CYSTM1: variants seen among roughly 807,000 people sequenced by gnomAD.
The protein encoded by CYSTM1 is cysteine-rich transmembrane module-containing protein 1.
A neutral mutation model predicts 13.1 loss-of-function variants in CYSTM1; 4 were observed. The ratio of observed to expected loss-of-function variants is 0.31; its 90% CI spans 0.15 to 0.70. CYSTM1 has a LOEUF of 0.70. CYSTM1 is among the 30% of genes least tolerant of loss of function. The pLI is 0.72. For missense variants in CYSTM1, 96 were observed against 121.6 expected (o/e 0.79, Z 0.99); for synonymous variants, 36 against 42.7 (o/e 0.84, Z 0.62).
chr5:140,191,381 C>G (rs771788756), intron 1 of CYSTM1, among the ~76,000 whole-genome samples: 1 of 152,080 alleles, frequency 6.6e-6, no homozygotes, highest in Non-Finnish European at 1.5e-5. Flanking sequence ...ACCTTACATG[C>G]TTTTTTCCTC....
chr5:140,224,289 G>A (rs10477319), intron 2 of CYSTM1, among the ~76,000 whole-genome samples: 34,983 of 151,758 alleles, frequency 0.23, 4,048 homozygotes, highest in African/African-American at 0.25. Context: ...ACAGGCATGC[G>A]CCACCACACC....
At chr5:140,223,464 G>A (rs1391351050) in intron 2 of CYSTM1, among the ~76,000 whole-genome samples, 1 of 152,234 alleles carries the variant, frequency 6.6e-6, no homozygotes, top group East Asian at 1.9e-4. Context: ...CCAAGTCATG[G>A]GCAAAACCAG....
intron 2 of CYSTM1, among the ~76,000 whole-genome samples, chr5:140,205,518 G>C (rs1764288472): frequency 6.6e-6 from 1 of 152,128 alleles, no homozygotes; most frequent in African/African-American, 2.4e-5. Context: ...CCAGGTATCA[G>C]ATGACAGAAT....
rs569975850 is a variant in CYSTM1, at chr5:140,181,797, C to T, written c.-21+6512C>T. On this transcript the variant is annotated intron_variant, in intron 1 of 2. Coordinates refer to ENST00000261811, the MANE Select transcript of CYSTM1 (RefSeq NM_032412.4). Reference sequence around the variant, plus strand: ...TGCCACTGCAAGATAGCAGGACCCCCGTCTGTATTTTTTGCTATGTTGACT... The same window carrying T: ...TGCCACTGCAAGATAGCAGGACCCCTGTCTGTATTTTTTGCTATGTTGACT... Among the ~76,000 whole-genome samples the T allele has an allele frequency of 3.5e-4, 53 of 152,326 alleles. 2 individuals are homozygous for T. The South Asian group carries it at 0.011, about 32-fold the overall frequency.
intron 2 of CYSTM1, among the ~76,000 whole-genome samples, chr5:140,240,876 C>T (rs1035309447): frequency 6.6e-6 from 1 of 152,146 alleles, no homozygotes; most frequent in African/African-American, 2.4e-5. Context: ...CCCCATTGCC[C>T]ATCCTCCCAA....
chr5:140,205,250 G>C (rs1393304075), intron 2 of CYSTM1, among the ~76,000 whole-genome samples: 1 of 152,134 alleles, frequency 6.6e-6, no homozygotes, highest in East Asian at 1.9e-4. Context: ...CAGAGATTGT[G>C]GGGGAGGTGA....
intron 1 of CYSTM1, among the ~76,000 whole-genome samples, chr5:140,188,778 CAAA>C (rs34915397): frequency 8.8e-6 from 1 of 113,474 alleles, no homozygotes; most frequent in Non-Finnish European, 1.8e-5. Flanking sequence ...GACTCCGTCT[CAAA>C]AAAAAAAAAA....
Position 140,175,225 on chromosome 5 carries a change from C to A in CYSTM1, c.-81C>A, listed in dbSNP as rs1272080206. 6.6e-6 allele frequency: 1 copy of A among 152,332 alleles called. No homozygotes were observed. The highest frequency in any genetic ancestry group is 2.4e-5 in the African/African-American group (1 of 41,464). The allele number at this position is 152,332 out of a possible 1,614,324, so 9.4% of individuals were successfully genotyped here. Reference sequence around the variant, plus strand: ...ACAGGTGCGGCAAGTCTACTGCGGGCTGGTCCGGGCTCCTCAGGTTCAGAC... The same window carrying A: ...ACAGGTGCGGCAAGTCTACTGCGGGATGGTCCGGGCTCCTCAGGTTCAGAC... On this transcript the variant is annotated 5_prime_UTR_variant, in exon 1 of 3. It adds an upstream start codon to the 5' untranslated region. Coordinates refer to ENST00000261811, the MANE Select transcript of CYSTM1 (RefSeq NM_032412.4). The surrounding 1 kb of genome is among the most constrained non-coding windows in gnomAD (Gnocchi z 4.9).
At chr5:140,203,594 T>C (rs1764256348) in intron 2 of CYSTM1, among the ~76,000 whole-genome samples, 1 of 152,240 alleles carries the variant, frequency 6.6e-6, no homozygotes, top group Admixed American at 6.5e-5. Flanking sequence ...AAACTATTTC[T>C]AGATTCTAAT....
rs1764093447 is a variant in CYSTM1 at position 140,191,322 on chromosome 5, CT to C, written c.-20-3121del. On this transcript the variant is annotated intron_variant, in intron 1 of 2. Coordinates refer to ENST00000261811, the MANE Select transcript of CYSTM1 (RefSeq NM_032412.4). ...AGCTGGAGCACCTTTGTAGTTTATG[CT>C]TTGTATAAATGCCTCTGTGAATAAC... Among the ~76,000 whole-genome samples the C allele has an allele frequency of 2.6e-5, 4 of 152,178 alleles. No individual in the cohort carries two copies. In the South Asian group the frequency reaches 8.3e-4, roughly 32 times the overall value.
At position 140,224,478 on chromosome 5, in the gene CYSTM1, A is replaced by T. The variant is rs573877391; in HGVS notation, c.188-18827A>T. On this transcript the variant is annotated intron_variant, in intron 2 of 2. Transcript: ENST00000261811. Reference sequence around the variant, plus strand: ...TACAAAACTCTAGGAAGATTAGACAAATATCTTCACTAGAGGTTATTTATG... The same window carrying T: ...TACAAAACTCTAGGAAGATTAGACATATATCTTCACTAGAGGTTATTTATG... Among the ~76,000 whole-genome samples, 17 of 152,160 alleles carry T rather than the reference A, an allele frequency of 1.1e-4. No homozygotes were observed. In the South Asian group the frequency reaches 2.9e-3, roughly 26 times the overall value.
chr5:140,195,385 A>G (rs529044210), intron 2 of CYSTM1, among the ~76,000 whole-genome samples: 1 of 148,900 alleles, frequency 6.7e-6, no homozygotes, highest in South Asian at 2.2e-4. Context: ...CTTGGTCACT[A>G]TTTTGTAGCC....
At chr5:140,191,396 A>G (rs1241974356) in intron 1 of CYSTM1, among the ~76,000 whole-genome samples, 1 of 152,224 alleles carries the variant, frequency 6.6e-6, no homozygotes, top group Non-Finnish European at 1.5e-5. Flanking sequence ...TTCCTCAGGC[A>G]GTTGGAGAAA....
At chr5:140,187,070 G>C (rs977509654) in intron 1 of CYSTM1, among the ~76,000 whole-genome samples, 3 of 152,018 alleles carry the variant, frequency 2.0e-5, no homozygotes, top group South Asian at 4.1e-4. Flanking sequence ...AGGTTGTAGT[G>C]AGCCGAGATC....
At chr5:140,205,185 AC>A (rs1764284625) in intron 2 of CYSTM1, among the ~76,000 whole-genome samples, 1 of 152,128 alleles carries the variant, frequency 6.6e-6, no homozygotes, top group African/African-American at 2.4e-5. Flanking sequence ...TTTTGGGCCC[AC>A]CGGGCCATTG....
At position 140,226,405 on chromosome 5, in the gene CYSTM1, G is replaced by T. The variant is rs1764549526; in HGVS notation, c.188-16900G>T. Among the ~76,000 whole-genome samples the T allele has an allele frequency of 2.1e-5, 3 of 145,712 alleles. No homozygotes were observed. The South Asian group carries it at 6.4e-4, about 31-fold the overall frequency. On this transcript the variant is annotated intron_variant, in intron 2 of 2. Transcript: ENST00000261811. Reference sequence around the variant, plus strand: ...GCACTTTGGGAGGCCAAGGTAGGCGGATCACTTGAGGTCAGGAGTTCGAGA... The same window carrying T: ...GCACTTTGGGAGGCCAAGGTAGGCGTATCACTTGAGGTCAGGAGTTCGAGA...
At chr5:140,217,686 A>G (rs1764444775) in intron 2 of CYSTM1, among the ~76,000 whole-genome samples, 1 of 152,204 alleles carries the variant, frequency 6.6e-6, no homozygotes, top group South Asian at 2.1e-4. Flanking sequence ...AGAACTTGAG[A>G]GCAGTTGGGT....
intron 1 of CYSTM1, among the ~76,000 whole-genome samples, chr5:140,186,600 T>C (rs1351380091): frequency 6.6e-6 from 1 of 152,198 alleles, no homozygotes; most frequent in Admixed American, 6.6e-5. Flanking sequence ...CTATCTTCGC[T>C]TGGTTTTGTG....
At chr5:140,237,937 CCAT>C (rs1283805380) in intron 2 of CYSTM1, among the ~76,000 whole-genome samples, 1 of 152,138 alleles carries the variant, frequency 6.6e-6, no homozygotes, top group Non-Finnish European at 1.5e-5. Flanking sequence ...AAGCAAGGAC[CCAT>C]CCACAGCTCG....
Sources: allele counts gnomAD v4.1 joint callset (sites outside exome capture counted in the v4.1 genomes callset), GRCh38; gene constraint gnomAD v4.1.1; non-coding constraint Gnocchi (gnomAD v3.1); transcripts MANE v1.5; gene names NCBI Gene and HGNC (gene_info 2026-07-23, HGNC 2026-07-21).